The following MCTS1 variants were observed in gnomAD, a reference collection of about 807,000 sequenced individuals.
MCTS1 encodes the protein malignant T-cell-amplified sequence 1.
For synonymous variants in MCTS1, 26 were observed against 40.8 expected (o/e 0.64, Z 1.38); for missense variants, 55 against 128.6 (o/e 0.43, Z 2.77).
rs887885190 is a variant in MCTS1, at chrX:120,608,349, T to C, written c.387T>C (p.Asp129=). The C allele has an allele frequency of 1.7e-6, 2 of 1,192,667 alleles. No individual in the cohort carries two copies. Among genetic ancestry groups the C allele is most frequent in the African/African-American group, 3.5e-5 (2 of 57,499 alleles). ...CTAAGCTTTACCCTGCTGCAGTAGA[T>C]ACCATTGTTGTATCCTTCCCAGGCT... ...PGAKLYPAAV[D]TIVAIMAEGK... Residue 129 remains aspartate (D), a synonymous_variant, in exon 4 of 6, where the codon GAT becomes GAC. Transcript: ENST00000371317.
At position 120,604,508 on chromosome X, in the gene MCTS1, C is replaced by CG. The variant is rs1443625506; in HGVS notation, c.11+261_11+262insG. On this transcript the variant is annotated intron_variant, in intron 1 of 5. Transcript: ENST00000371317. ...CCTCTTTCTCTTTTGCCCCCTCCCC[C>CG]AATTCTGTCTCCATTCCTAGGGTTC... The CG allele has an allele frequency of 4.1e-5, 23 of 561,205 alleles. No homozygotes were observed. The Admixed American group carries it at 9.4e-4, about 23-fold the overall frequency. 46.2% of individuals were successfully genotyped at this position (561,205 alleles called of 1,213,427 possible). A position where few individuals can be genotyped will look rare whatever the true frequency, so the allele number is the denominator to read the frequency against.
At chrX:120,608,084 AT>A (rs1926588728) in intron 3 of MCTS1, 140 bp from the exon 4 acceptor site, 1 of 482,511 alleles carries the variant, frequency 2.1e-6, no homozygotes, top group Non-Finnish European at 3.2e-6. Flanking sequence ...AAGATTACCA[AT>A]TTGGTAAACA....
rs904855049 is a variant in MCTS1, at chrX:120,615,950, G to A, written c.*3686G>A. 4.4e-5 allele frequency among the ~76,000 whole-genome samples: 5 copies of A among 112,643 alleles called. No homozygotes were observed. Among genetic ancestry groups the A allele is most frequent in the Admixed American group, 3.8e-4 (4 of 10,612 alleles). On this transcript the variant is annotated 3_prime_UTR_variant, in exon 6 of 6. Transcript: ENST00000371317. ...ATCAAATAATAATGATATCCAGCCA[G>A]GTTCCCTGTCGTACCCAAATCAGTA...
chrX:120,606,612 C>T (rs1418586851), intron 3 of MCTS1, among the ~76,000 whole-genome samples: 1 of 111,118 alleles, frequency 9.0e-6, no homozygotes, highest in Non-Finnish European at 1.9e-5. Context: ...GGTGAAACCC[C>T]GTCTCTACTA....
At position 120,612,334 on chromosome X, in the gene MCTS1, C is replaced by T. The variant is rs1926708272; in HGVS notation, c.*70C>T. On this transcript the variant is annotated 3_prime_UTR_variant, in exon 6 of 6. Transcript: ENST00000371317. ...TATCTGTGTTTGTGTCTGTGTGTGA[C>T]AGCATGAAGATAATGCCTGTGGTTA... 1 of 768,456 alleles carries T rather than the reference C, an allele frequency of 1.3e-6. No individual in the cohort carries two copies. The highest frequency in any genetic ancestry group is 1.9e-6 in the Non-Finnish European group (1 of 531,648). The allele number at this position is 768,456 out of a possible 1,213,427, so 63.3% of individuals were successfully genotyped here.
chrX:120,614,073 G>A lies in MCTS1; in HGVS notation c.*1809G>A, dbSNP rs995856952. 3.6e-5 allele frequency among the ~76,000 whole-genome samples: 4 copies of A among 112,021 alleles called. No homozygotes were observed. Among genetic ancestry groups the A allele is most frequent in the Non-Finnish European group, 7.5e-5 (4 of 53,245 alleles). The stretch of plus-strand genomic sequence containing the variant: ...GAAGTTGGTGAGAAAGGTGAGGGTG[G>A]ATAGCAAAAAGAGAGAGATCATTTG... On this transcript the variant is annotated 3_prime_UTR_variant, in exon 6 of 6. Transcript: ENST00000371317.
chrX:120,606,722 T>TGCA (rs759352036), intron 3 of MCTS1, among the ~76,000 whole-genome samples: 7 of 101,664 alleles, frequency 6.9e-5, no homozygotes, highest in Non-Finnish European at 1.4e-4. Flanking sequence ...AGGCGGAGGT[T>TGCA]GCAGTGAGCA....
In MCTS1 at chrX:120,610,618, CA is replaced by C. The variant is rs370464067; in HGVS notation, c.397-390del. Among the ~76,000 whole-genome samples, 289 of 112,291 alleles carry C rather than the reference CA, an allele frequency of 2.6e-3. 1 individual carries two copies. The highest frequency in any genetic ancestry group is 8.9e-3 in the African/African-American group (277 of 30,954). On this transcript the variant is annotated intron_variant, in intron 4 of 5. Coordinates refer to ENST00000371317, the MANE Select transcript of MCTS1 (RefSeq NM_014060.3). Reference sequence around the variant, plus strand: ...ACAGAGTGAGACTCTGTCTCAAGAACAAACAAAAATCCCCACTAGTCAGTGA... The same window carrying C: ...ACAGAGTGAGACTCTGTCTCAAGAACAACAAAAATCCCCACTAGTCAGTGA...
chrX:120,615,361 G>T lies in MCTS1; in HGVS notation c.*3097G>T, dbSNP rs1386451669. On this transcript the variant is annotated 3_prime_UTR_variant, in exon 6 of 6. Transcript: ENST00000371317. The stretch of plus-strand genomic sequence containing the variant: ...TTGGACTCACTTTTACTCAGACAAG[G>T]TCAGTTCAGCTCAATAGGTATTTAT... Among the ~76,000 whole-genome samples, 2 of 111,484 alleles carry T rather than the reference G, an allele frequency of 1.8e-5. No individual in the cohort carries two copies. The highest frequency in any genetic ancestry group is 6.5e-5 in the African/African-American group (2 of 30,678).
rs909557054 is a variant in MCTS1 at position 120,612,471 on chromosome X, G to A, written c.*207G>A. ...CAAACTTGGACATTAAAAGGTATCT[G>A]GTAAGTAAGCAAACTCATACAACTA... On this transcript the variant is annotated 3_prime_UTR_variant, in exon 6 of 6. Coordinates refer to ENST00000371317, the MANE Select transcript of MCTS1 (RefSeq NM_014060.3). 4.2e-5 allele frequency: 15 copies of A among 358,328 alleles called. No individual in the cohort carries two copies. Among genetic ancestry groups the A allele is most frequent in the Non-Finnish European group, 6.4e-5 (13 of 203,746 alleles). The allele number at this position is 358,328 out of a possible 1,213,427, so 29.5% of individuals were successfully genotyped here.
intron 4 of MCTS1, 159 bp downstream of exon 4, chrX:120,608,517 GTAATT>G: frequency 1.7e-6 from 1 of 582,414 alleles, no homozygotes. Flanking sequence ...GTTGTACAAA[GTAATT>G]TTATTTGTTG....
rs1926829733 is a variant in MCTS1, at chrX:120,615,652, A to T, written c.*3388A>T. On this transcript the variant is annotated 3_prime_UTR_variant, in exon 6 of 6. Coordinates refer to ENST00000371317, the MANE Select transcript of MCTS1 (RefSeq NM_014060.3). ...TGTATCCAATGTGAGGGTAAAAAAA[A>T]AATCCCAGATGTCTTGGAGTTGCCG... Among the ~76,000 whole-genome samples, 1 of 111,494 alleles carries T rather than the reference A, an allele frequency of 9.0e-6. No homozygotes were observed. The highest frequency in any genetic ancestry group is 3.8e-4 in the South Asian group (1 of 2,662).
In MCTS1 at chrX:120,607,643, G is replaced by A. The variant is rs779041642; in HGVS notation, c.263-582G>A. 9.9e-5 allele frequency among the ~76,000 whole-genome samples: 11 copies of A among 111,261 alleles called. No homozygotes were observed. The South Asian group carries it at 1.5e-3, about 15-fold the overall frequency. On this transcript the variant is annotated intron_variant, in intron 3 of 5. Transcript: ENST00000371317. ...CCAGCATTGATACATTATTATTAAC[G>A]CAAGTCCTTAGTTTACATTAGGGTT...
rs1045257056 is a variant in MCTS1, at chrX:120,619,473, T to C, written c.*7209T>C. On this transcript the variant is annotated 3_prime_UTR_variant, in exon 6 of 6. Coordinates refer to ENST00000371317, the MANE Select transcript of MCTS1 (RefSeq NM_014060.3). ...ACTCTCATTTTACAAACGAGGAGAC[T>C]AAGGCTCAGAGAGGTCATACAACTT... Among the ~76,000 whole-genome samples the C allele has an allele frequency of 9.2e-6, 1 of 109,056 alleles. No individual in the cohort carries two copies. The highest frequency in any genetic ancestry group is 9.8e-5 in the Admixed American group (1 of 10,170). 94.7% of individuals were successfully genotyped at this position (109,056 alleles called of 115,157 possible). A position where few individuals can be genotyped will look rare whatever the true frequency, so the allele number is the denominator to read the frequency against.
At position 120,614,838 on chromosome X, in the gene MCTS1, T is replaced by G. The variant is rs1292427507; in HGVS notation, c.*2574T>G. ...TTAGCAATGAAAAACAAAGCACACA[T>G]ATACATACATTAGAGAAGTAAAAAC... On this transcript the variant is annotated 3_prime_UTR_variant, in exon 6 of 6. Coordinates refer to ENST00000371317, the MANE Select transcript of MCTS1 (RefSeq NM_014060.3). 8.9e-6 allele frequency among the ~76,000 whole-genome samples: 1 copy of G among 112,642 alleles called. No individual in the cohort carries two copies. The highest frequency in any genetic ancestry group is 2.8e-4 in the East Asian group (1 of 3,601).
At position 120,617,446 on chromosome X, in the gene MCTS1, C is replaced by G. The variant is rs890216670; in HGVS notation, c.*5182C>G. On this transcript the variant is annotated 3_prime_UTR_variant, in exon 6 of 6. Transcript: ENST00000371317. ...ACCTCAGGTGATGCACCCGCCTTGGCCTCCCAAAGTGCTGGGATTACAGGT... is the reference window on the plus strand; with the variant it reads ...ACCTCAGGTGATGCACCCGCCTTGGGCTCCCAAAGTGCTGGGATTACAGGT... Among the ~76,000 whole-genome samples, 4 of 111,775 alleles carry G rather than the reference C, an allele frequency of 3.6e-5. No individual in the cohort carries two copies. The highest frequency in any genetic ancestry group is 1.3e-4 in the African/African-American group (4 of 30,712).
At chrX:120,611,168 C>T (rs900472038) in intron 5 of MCTS1, 90 bp downstream of exon 5, 34 of 759,872 alleles carry the variant, frequency 4.5e-5, no homozygotes, top group Admixed American at 3.1e-4. Flanking sequence ...TGCTATCATG[C>T]ATACCACATT....
intron 4 of MCTS1, among the ~76,000 whole-genome samples, chrX:120,610,319 TC>T (rs1926653081): frequency 1.0e-5 from 1 of 100,398 alleles, no homozygotes; most frequent in African/African-American, 3.7e-5. Flanking sequence ...AGACTCCATC[TC>T]AAAAAAACAA....
chrX:120,614,307 A>G lies in MCTS1; in HGVS notation c.*2043A>G, dbSNP rs867819889. Among the ~76,000 whole-genome samples, 21 of 112,373 alleles carry G rather than the reference A, an allele frequency of 1.9e-4. No homozygotes were observed. The highest frequency in any genetic ancestry group is 6.8e-4 in the African/African-American group (21 of 30,956). Reference sequence around the variant, plus strand: ...AGGAAGTTACTTGGTAAACACAGGTATGAGCAAAGGAAGATTGATAAATTG... The same window carrying G: ...AGGAAGTTACTTGGTAAACACAGGTGTGAGCAAAGGAAGATTGATAAATTG... On this transcript the variant is annotated 3_prime_UTR_variant, in exon 6 of 6. Transcript: ENST00000371317.
Sources: allele counts gnomAD v4.1 joint callset (sites outside exome capture counted in the v4.1 genomes callset), GRCh38; gene constraint gnomAD v4.1.1; transcripts MANE v1.5; gene names NCBI Gene and HGNC (gene_info 2026-07-23, HGNC 2026-07-21).